NTM: variants seen among roughly 807,000 people sequenced by gnomAD.
The protein encoded by NTM is IgLON family member 2.
A neutral mutation model predicts 42.1 loss-of-function variants in NTM; 13 were observed. The ratio of observed to expected loss-of-function variants is 0.31; its 90% CI spans 0.20 to 0.49. The LOEUF (loss-of-function observed/expected upper bound fraction) is 0.49, where lower values mean the gene tolerates loss of function less well. Ranked by LOEUF, NTM falls within the 20% of genes least tolerant of loss-of-function variation. The pLI is 0.99. For synonymous variants in NTM, 187 were observed against 179.2 expected, an observed-to-expected ratio of 1.04 and a Z score of -0.35; for missense variants, 373 against 452.8, an observed-to-expected ratio of 0.82 and a Z score of 1.60.
chr11:131,544,455 C>T (rs369240091), intron 1 of NTM, among the ~76,000 whole-genome samples: 1 of 152,086 alleles, frequency 6.6e-6, no homozygotes, highest in Non-Finnish European at 1.5e-5. Flanking sequence ...CCAAATTATC[C>T]CTGTTGTGAA....
At chr11:131,774,064 G>T (rs1163796919) in intron 1 of NTM, 1 of 984,522 alleles carries the variant, frequency 1.0e-6, no homozygotes, top group Non-Finnish European at 1.2e-6. Context: ...TTCCTCTGTT[G>T]TTCCAATGTT....
At chr11:132,273,367 G>C (rs11222992) in intron 4 of NTM, among the ~76,000 whole-genome samples, 1 of 109,038 alleles carries the variant, frequency 9.2e-6, no homozygotes, top group Non-Finnish European at 1.7e-5. Flanking sequence ...ATTCATAAAA[G>C]ATATTGGTCT....
At chr11:131,408,096 G>A (rs544337512) in intron 1 of NTM, among the ~76,000 whole-genome samples, 53 of 152,274 alleles carry the variant, frequency 3.5e-4, no homozygotes, top group African/African-American at 1.3e-3. Context: ...CCCTTAATGG[G>A]CATTTCCAGG....
At chr11:131,508,793 C>G (rs202133897) in intron 1 of NTM, among the ~76,000 whole-genome samples, 109 of 142,922 alleles carry the variant, frequency 7.6e-4, no homozygotes, top group African/African-American at 1.6e-3. Context: ...GAACAAAAAA[C>G]CAAACACCGC....
intron 1 of NTM, among the ~76,000 whole-genome samples, chr11:131,436,777 A>G (rs993647447): frequency 4.0e-5 from 6 of 151,676 alleles, no homozygotes; most frequent in Non-Finnish European, 7.4e-5. Flanking sequence ...TTGTGTTTCT[A>G]TCTCCTTCAG....
intron 1 of NTM, among the ~76,000 whole-genome samples, chr11:131,684,930 C>A (rs551286653): frequency 8.5e-5 from 13 of 152,296 alleles, no homozygotes; most frequent in African/African-American, 1.7e-4. Flanking sequence ...GTGAGTGAGC[C>A]CCCACTAGGG....
intron 4 of NTM, among the ~76,000 whole-genome samples, chr11:132,294,050 G>A (rs549786921): frequency 1.3e-5 from 2 of 152,284 alleles, no homozygotes; most frequent in East Asian, 3.9e-4. Context: ...ACAGTGGTGT[G>A]CAGGCTAGCT....
In NTM at chr11:131,952,274, T is replaced by C. The variant is rs143217702; in HGVS notation, c.167+40626T>C. Among the ~76,000 whole-genome samples, 640 of 152,332 alleles carry C rather than the reference T, an allele frequency of 4.2e-3. 3 individuals are homozygous for C. Among genetic ancestry groups the C allele is most frequent in the African/African-American group, 0.015 (605 of 41,580 alleles). ...TCTAACTGTATTACTATTTTCAAAC[T>C]TGAATTATAGATGTATGCATATGAC... On this transcript the variant is annotated intron_variant, in intron 2 of 8. Coordinates refer to ENST00000683400, the MANE Select transcript of NTM (RefSeq NM_001352005.2).
At chr11:132,102,065 G>T (rs527531964) in intron 2 of NTM, among the ~76,000 whole-genome samples, 1 of 152,160 alleles carries the variant, frequency 6.6e-6, no homozygotes, top group South Asian at 2.1e-4. Flanking sequence ...CTAAGTCTTG[G>T]CTTATGTTCT....
At chr11:131,701,619 A>G (rs1032080608) in intron 1 of NTM, among the ~76,000 whole-genome samples, 2 of 152,232 alleles carry the variant, frequency 1.3e-5, no homozygotes, top group African/African-American at 4.8e-5. Context: ...ACCAATGTCC[A>G]ATACTCATAT....
intron 1 of NTM, among the ~76,000 whole-genome samples, chr11:131,549,058 C>G (rs530124347): frequency 1.6e-4 from 24 of 152,272 alleles, no homozygotes; most frequent in African/African-American, 4.8e-4. Context: ...GAACTACAGA[C>G]AGAAAAGCTC....
rs965614921 is a variant in NTM, at chr11:131,843,812, A to G, written c.83-67752A>G. Among the ~76,000 whole-genome samples the G allele has an allele frequency of 3.3e-5, 5 of 151,538 alleles. No homozygotes were observed. In the South Asian group the frequency reaches 1.0e-3, roughly 32 times the overall value. ...TTTTTATATATTTATTAGCCATTTC[A>G]TTTTCCTCTTAGTGAATTGCCTAGT... On this transcript the variant is annotated intron_variant, in intron 1 of 8. Coordinates refer to ENST00000683400, the MANE Select transcript of NTM (RefSeq NM_001352005.2).
rs367856968 is a variant in NTM at position 132,100,111 on chromosome 11, T to C, written c.168-46171T>C. 1.8e-4 allele frequency among the ~76,000 whole-genome samples: 27 copies of C among 152,360 alleles called. No homozygotes were observed. The South Asian group carries it at 5.6e-3, about 32-fold the overall frequency. On this transcript the variant is annotated intron_variant, in intron 2 of 8. Transcript: ENST00000683400. The stretch of plus-strand genomic sequence containing the variant: ...ACAAAAGCAGTAACTTATTACACTA[T>C]GAGAGACCTTTTTACATTTCTCTGC...
chr11:131,694,827 G>A (rs1324405244), intron 1 of NTM, among the ~76,000 whole-genome samples: 1 of 152,230 alleles, frequency 6.6e-6, no homozygotes, highest in African/African-American at 2.4e-5. Context: ...TCAGGATTGG[G>A]TGGGGCGTGA....
In NTM at chr11:131,466,936, G is replaced by T. The variant is rs560382255; in HGVS notation, c.82+96048G>T. 1.0e-3 allele frequency among the ~76,000 whole-genome samples: 159 copies of T among 152,220 alleles called. 2 individuals are homozygous for T. The highest frequency in any genetic ancestry group is 3.6e-3 in the African/African-American group (150 of 41,548). Reference sequence around the variant, plus strand: ...AATGAAATTACTGGCCTGCTTTCCAGCTCACTGCACACTCACTGACACACA... The same window carrying T: ...AATGAAATTACTGGCCTGCTTTCCATCTCACTGCACACTCACTGACACACA... On this transcript the variant is annotated intron_variant, in intron 1 of 8. Coordinates refer to ENST00000683400, the MANE Select transcript of NTM (RefSeq NM_001352005.2).
chr11:131,845,089 T>C (rs758068180), intron 1 of NTM, among the ~76,000 whole-genome samples: 4 of 152,322 alleles, frequency 2.6e-5, no homozygotes, highest in Non-Finnish European at 4.4e-5. Flanking sequence ...CCATATACTT[T>C]TGGTGAATGC....
intron 3 of NTM, among the ~76,000 whole-genome samples, chr11:132,161,446 C>T (rs371301337): frequency 2.4e-5 from 3 of 124,986 alleles, no homozygotes; most frequent in East Asian, 5.0e-4. Flanking sequence ...GTTTTTCATC[C>T]TTTTTTTCCT....
chr11:132,117,395 G>C (rs1213851282), intron 2 of NTM, among the ~76,000 whole-genome samples: 2 of 152,202 alleles, frequency 1.3e-5, no homozygotes, highest in Non-Finnish European at 2.9e-5. Flanking sequence ...CACCTTGCTT[G>C]GCTTCCTGGC....
At chr11:132,211,946 C>G in intron 3 of NTM, 76 bp from the exon 4 acceptor site, 1 of 1,490,132 alleles carries the variant, frequency 6.7e-7, no homozygotes. Flanking sequence ...CTGGACTGTT[C>G]TGCCAACTAC....
Sources: gnomAD v4.1 joint callset for allele counts (sites outside exome capture counted in the v4.1 genomes callset) on GRCh38, gnomAD v4.1.1 for gene constraint, MANE v1.5 for transcripts, NCBI Gene and HGNC (gene_info 2026-07-23, HGNC 2026-07-21) for gene names.